Variants in DAPK2 observed in about 807,000 individuals in gnomAD.
DAPK2 encodes the protein death-associated protein kinase 2.
In DAPK2, 35 loss-of-function variants were observed where a neutral mutation model predicts 44.1. That is an observed-to-expected ratio of 0.79 (90% confidence interval 0.61 to 1.05). The LOEUF is 1.05. Ranked by LOEUF, DAPK2 falls within the 50% of genes least tolerant of loss-of-function variation. DAPK2 has a pLI of 0.00. For synonymous variants in DAPK2, 174 were observed against 182.6 expected (o/e 0.95, Z 0.38); for missense variants, 453 against 483.2 (o/e 0.94, Z 0.59).
chr15:64,014,395 T>G (rs1595892196), intron 1 of DAPK2, among the ~76,000 whole-genome samples: 1 of 152,248 alleles, frequency 6.6e-6, no homozygotes. Flanking sequence ...AGTCCAACAT[T>G]CTGGCTTTCC....
chr15:64,030,318 T>A (rs1231961665), intron 1 of DAPK2, among the ~76,000 whole-genome samples: 1 of 151,852 alleles, frequency 6.6e-6, no homozygotes, highest in Non-Finnish European at 1.5e-5. Flanking sequence ...CAAAGTCTGT[T>A]GTGGTGTTGA....
chr15:63,996,140 A>G lies in DAPK2; in HGVS notation c.93-12386T>C, dbSNP rs906270569. 2.0e-5 allele frequency among the ~76,000 whole-genome samples: 3 copies of G among 152,204 alleles called. No homozygotes were observed. The South Asian group carries it at 6.2e-4, about 31-fold the overall frequency. ...CAGAATCATTTGGGGAGCTGGTTAA[A>G]AATTCAGGCACAGCCAGATGCAGTG... On this transcript the variant is annotated intron_variant, in intron 1 of 10. Coordinates refer to ENST00000261891, the Ensembl canonical transcript of DAPK2.
intron 8 of DAPK2, chr15:63,918,898 A>T (rs2078999274): frequency 6.6e-6 from 1 of 152,258 alleles, no homozygotes; most frequent in African/African-American, 2.4e-5. Context: ...TCAATGGCAG[A>T]GGGGCCTGCC....
intron 1 of DAPK2, among the ~76,000 whole-genome samples, chr15:64,037,601 T>C (rs2080244747): frequency 6.6e-6 from 1 of 152,176 alleles, no homozygotes; most frequent in Admixed American, 6.5e-5. Context: ...TGGCACACAG[T>C]AGGTCCTCAA....
intron 4 of DAPK2, among the ~76,000 whole-genome samples, chr15:63,938,064 C>T (rs2077211287): frequency 6.6e-6 from 1 of 152,206 alleles, no homozygotes; most frequent in Non-Finnish European, 1.5e-5. Context: ...GCCATCTCCA[C>T]GTGTGTTAAA....
At chr15:63,951,192 G>A (rs901690392) in intron 3 of DAPK2, among the ~76,000 whole-genome samples, 1 of 152,154 alleles carries the variant, frequency 6.6e-6, no homozygotes, top group Non-Finnish European at 1.5e-5. Flanking sequence ...GATCAGGCTT[G>A]GGTGCAGATT....
At chr15:63,991,358 A>G in intron 1 of DAPK2, 1 of 455,996 alleles carries the variant, frequency 2.2e-6, no homozygotes, top group Non-Finnish European at 4.4e-6. Flanking sequence ...GAACCTGCAA[A>G]CAGAAGAGGG....
chr15:64,002,504 AATGG>A (rs2079108749), intron 1 of DAPK2, among the ~76,000 whole-genome samples: 1 of 152,208 alleles, frequency 6.6e-6, no homozygotes, highest in African/African-American at 2.4e-5. Context: ...TTTCATAATT[AATGG>A]ATGGATGGAT....
intron 8 of DAPK2, chr15:63,919,801 C>T (rs1312651829): frequency 2.0e-5 from 3 of 152,178 alleles, no homozygotes; most frequent in Admixed American, 6.5e-5. Flanking sequence ...TCTATTTTGA[C>T]CTTCACTAAA....
At position 63,931,862 on chromosome 15, in the gene DAPK2, C is replaced by T. The variant is rs187221310; in HGVS notation, c.584-1407G>A. Among the ~76,000 whole-genome samples, 9 of 152,044 alleles carry T rather than the reference C, an allele frequency of 5.9e-5. No individual in the cohort carries two copies. In the East Asian group the frequency reaches 1.7e-3, roughly 29 times the overall value. ...GTTGAATTTCACAGCCCCGCAGTGCCCAGAGTGTCAAGAAGGTATAGGATG... is the reference window on the plus strand; with the variant it reads ...GTTGAATTTCACAGCCCCGCAGTGCTCAGAGTGTCAAGAAGGTATAGGATG... On this transcript the variant is annotated intron_variant, in intron 4 of 10. Transcript: ENST00000261891.
chr15:63,974,413 T>C (rs1362544466), intron 2 of DAPK2, among the ~76,000 whole-genome samples: 4 of 152,148 alleles, frequency 2.6e-5, no homozygotes, highest in Non-Finnish European at 5.9e-5. Context: ...ATCTAAGGTG[T>C]ACATTGGTTC....
intron 1 of DAPK2, among the ~76,000 whole-genome samples, chr15:64,010,279 G>T (rs1044470363): frequency 2.6e-5 from 4 of 152,078 alleles, no homozygotes; most frequent in African/African-American, 9.7e-5. Flanking sequence ...GGAATATCCT[G>T]GTATGCCAGA....
Position 63,908,465 on chromosome 15 carries a change from G to A in DAPK2, c.*55C>T, listed in dbSNP as rs2078702456. ...TGAGCTGGGTCCAAAAGTCTGCACA[G>A]AAGGGAGCCCCGCTGGGCCCAGACC... is the stretch of plus-strand genomic sequence containing the variant. On this transcript the variant is annotated 3_prime_UTR_variant, in exon 11 of 11. Transcript: ENST00000261891. This position sits in a 1 kb window ranked among gnomAD's most constrained non-coding sequence, Gnocchi z 5.7. 1 of 1,303,738 alleles carries A rather than the reference G, an allele frequency of 7.7e-7. No homozygotes were observed. Among genetic ancestry groups the A allele is most frequent in the Admixed American group, 2.4e-5 (1 of 41,076 alleles). 80.8% of individuals were successfully genotyped at this position (1,303,738 alleles called of 1,614,324 possible).
Position 63,942,500 on chromosome 15 carries a change from C to T in DAPK2, c.454-3139G>A, listed in dbSNP as rs7163670. On this transcript the variant is annotated intron_variant, in intron 3 of 10. Coordinates refer to ENST00000261891, the Ensembl canonical transcript of DAPK2. The stretch of plus-strand genomic sequence containing the variant: ...CGGGGAGGTGGAGGCTGCAGTGAGC[C>T]GAGAACACACTGCTACACTCCAGCC... Among the ~76,000 whole-genome samples, 966 of 151,652 alleles carry T rather than the reference C, an allele frequency of 6.4e-3. 10 individuals are homozygous for T. The highest frequency in any genetic ancestry group is 0.023 in the African/African-American group (933 of 41,306).
Position 64,028,762 on chromosome 15 carries a change from T to TAGAC in DAPK2, c.92+11404_92+11407dup, listed in dbSNP as rs980805380. ...ATGGATGGATACGTAGGTAGGCAGG[T>TAGAC]AGACAGACAGACAGACAGACAGATA... On this transcript the variant is annotated intron_variant, in intron 1 of 10. Transcript: ENST00000261891. Among the ~76,000 whole-genome samples the TAGAC allele has an allele frequency of 1.3e-4, 20 of 151,176 alleles. 1 individual carries two copies. The highest frequency in any genetic ancestry group is 8.3e-4 in the South Asian group (4 of 4,794).
rs1207773788 is a variant in DAPK2 at position 63,939,374 on chromosome 15, AAGT to A, written c.454-16_454-14del. On this transcript the variant is annotated splice_polypyrimidine_tract_variant and intron_variant, in intron 3 of 10. Coordinates refer to ENST00000261891, the Ensembl canonical transcript of DAPK2. This position sits in a 1 kb window ranked among gnomAD's most constrained non-coding sequence, Gnocchi z 4.3. The stretch of plus-strand genomic sequence containing the variant: ...TAATGTTTTCTGGCTGGACAACAAA[AAGT>A]AGAAAAAAAAAAAAGGAAGGAAGAA... The A allele has an allele frequency of 8.9e-6, 14 of 1,568,588 alleles. No individual in the cohort carries two copies. Among genetic ancestry groups the A allele is most frequent in the African/African-American group, 1.4e-5 (1 of 72,266 alleles).
rs181316713 is a variant in DAPK2 at position 63,922,097 on chromosome 15, A to G, written c.858+2719T>C. ...TGTTTCATCTGTACTGATTGACTAT[A>G]TCATTTTCCCTCTCTGAGTCAATTT... is the stretch of plus-strand genomic sequence containing the variant. On this transcript the variant is annotated intron_variant, in intron 8 of 10. Coordinates refer to ENST00000261891, the Ensembl canonical transcript of DAPK2. The G allele has an allele frequency of 1.5e-3, 254 of 171,310 alleles. 1 individual carries two copies. Among genetic ancestry groups the G allele is most frequent in the African/African-American group, 5.4e-3 (228 of 41,860 alleles). The allele number at this position is 171,310 out of a possible 1,614,324, so 10.6% of individuals were successfully genotyped here. A position where few individuals can be genotyped will look rare whatever the true frequency, so the allele number is the denominator to read the frequency against.
chr15:64,035,034 G>T (rs2080138704), intron 1 of DAPK2, among the ~76,000 whole-genome samples: 1 of 152,068 alleles, frequency 6.6e-6, no homozygotes, highest in South Asian at 2.1e-4. Context: ...CAGGCATGGT[G>T]GCGTGTGCCT....
intron 4 of DAPK2, among the ~76,000 whole-genome samples, chr15:63,938,997 G>T (rs2077235894): frequency 6.6e-6 from 1 of 152,170 alleles, no homozygotes; most frequent in African/African-American, 2.4e-5. Context: ...TAGCCCCACT[G>T]AGAGCCACTG....
Sources: gnomAD v4.1 joint callset for allele counts (sites outside exome capture counted in the v4.1 genomes callset) on GRCh38, gnomAD v4.1.1 for gene constraint, Gnocchi (gnomAD v3.1) non-coding constraint, MANE v1.5 for transcripts, NCBI Gene and HGNC (gene_info 2026-07-23, HGNC 2026-07-21) for gene names.